Variants in UFSP2 observed in about 807,000 individuals in gnomAD.
UFSP2 encodes the protein ufm1-specific protease 2.
A neutral mutation model predicts 60.2 loss-of-function variants in UFSP2; 43 were observed. The ratio of observed to expected loss-of-function variants is 0.71; its 90% CI spans 0.56 to 0.92. UFSP2 has a LOEUF of 0.92. Among genes scored for constraint, UFSP2 ranks in the 40% least tolerant of loss-of-function variants. The pLI is 0.00. For missense variants in UFSP2, 520 were observed against 575.0 expected, an observed-to-expected ratio of 0.90 and a Z score of 0.98; for synonymous variants, 183 against 195.1, an observed-to-expected ratio of 0.94 and a Z score of 0.52.
chr4:185,401,916 C>T (rs1340776358), intron 11 of UFSP2, among the ~76,000 whole-genome samples: 1 of 152,168 alleles, frequency 6.6e-6, no homozygotes, highest in Non-Finnish European at 1.5e-5. Flanking sequence ...AGGCTTCTCC[C>T]TGCCTTTAAG....
intron 1 of UFSP2, 109 bp downstream of exon 1, chr4:185,425,757 C>T (rs2095558793): frequency 2.0e-6 from 3 of 1,514,386 alleles, no homozygotes; most frequent in African/African-American, 1.4e-5. Flanking sequence ...CAGCTGCCAT[C>T]TTGGACCCCG....
rs760642634 is a variant in UFSP2 at position 185,418,742 on chromosome 4, A to G, written c.111T>C (p.His37=). The G allele has an allele frequency of 2.5e-6, 4 of 1,602,476 alleles. No individual in the cohort carries two copies. The highest frequency in any genetic ancestry group is 3.4e-6 in the Non-Finnish European group (4 of 1,177,172). ...GCTTAGTTGACAGGTCACTCAACAC[A>G]TGTTTCAGTGCCTTCTTGAGAAAAA... The part of the protein sequence containing the change: ...NEIFLKKALK[H]VLSDLSTKLS... Residue 37 remains histidine, a synonymous_variant, in exon 3 of 12, where the codon CAT becomes CAC. Transcript: ENST00000264689.
intron 4 of UFSP2, among the ~76,000 whole-genome samples, chr4:185,417,132 C>CAATAGAGACAGT: frequency 6.6e-6 from 1 of 152,316 alleles, no homozygotes; most frequent in Middle Eastern, 3.4e-3. Flanking sequence ...AGACTGATAA[C>CAATAGAGACAGT]TGTCTCTTTC....
chr4:185,424,384 C>G (rs1021546448), intron 1 of UFSP2, among the ~76,000 whole-genome samples: 16 of 152,180 alleles, frequency 1.1e-4, no homozygotes, highest in African/African-American at 3.9e-4. Context: ...ATCCTCAGAA[C>G]AGTATTAAAT....
chr4:185,405,002 C>CTTTTTTTTT (rs70962563), intron 10 of UFSP2, among the ~76,000 whole-genome samples: 1 of 138,196 alleles, frequency 7.2e-6, no homozygotes, highest in Non-Finnish European at 1.5e-5. Flanking sequence ...ACCTCCATTT[C>CTTTTTTTTT]TTTTTTTTTT....
rs1561104891 is a variant in UFSP2, at chr4:185,400,485, A to G, written c.1324-7T>C. On this transcript the variant is annotated splice_region_variant and splice_polypyrimidine_tract_variant and intron_variant, in intron 11 of 11. Coordinates refer to ENST00000264689, the MANE Select transcript of UFSP2 (RefSeq NM_018359.5). ...CCTTCCATCCGCACCAGCCCTGGAT[A>G]GAGAAGACGGGAAAGGAAAGCCTTT... The G allele has an allele frequency of 6.2e-7, 1 of 1,606,336 alleles. No homozygotes were observed. Among genetic ancestry groups the G allele is most frequent in the Non-Finnish European group, 8.5e-7 (1 of 1,175,170 alleles).
intron 10 of UFSP2, among the ~76,000 whole-genome samples, chr4:185,404,604 T>C (rs1167477319): frequency 6.6e-6 from 1 of 151,262 alleles, no homozygotes; most frequent in Non-Finnish European, 1.5e-5. Flanking sequence ...GTCTTTTTTT[T>C]TGAGACAGAG....
chr4:185,419,366 G>A (rs1009623325), intron 2 of UFSP2, among the ~76,000 whole-genome samples: 1 of 152,106 alleles, frequency 6.6e-6, no homozygotes, highest in Non-Finnish European at 1.5e-5. Flanking sequence ...TCCTGACCTC[G>A]TGATCCACCC....
rs1188328174 is a variant in UFSP2 at position 185,425,905 on chromosome 4, G to A, written c.-37C>T. ...GGCGGTGACACGGGCGCTGACGCCT[G>A]CCCAAAAGTTCCGGGGGCCGGCCCT... On this transcript the variant is annotated 5_prime_UTR_variant, in exon 1 of 12. Coordinates refer to ENST00000264689, the MANE Select transcript of UFSP2 (RefSeq NM_018359.5). The A allele has an allele frequency of 1.9e-6, 3 of 1,584,922 alleles. No homozygotes were observed. The highest frequency in any genetic ancestry group is 2.3e-5 in the East Asian group (1 of 43,210).
At chr4:185,407,260 G>A (rs2095522214) in intron 9 of UFSP2, among the ~76,000 whole-genome samples, 1 of 151,316 alleles carries the variant, frequency 6.6e-6, no homozygotes, top group African/African-American at 2.4e-5. Context: ...TGCTCTGCTG[G>A]CCAGGCTGGT....
At chr4:185,424,110 T>C (rs1223184852) in intron 1 of UFSP2, among the ~76,000 whole-genome samples, 1 of 147,748 alleles carries the variant, frequency 6.8e-6, no homozygotes, top group Non-Finnish European at 1.5e-5. Flanking sequence ...GAGACCAGAC[T>C]GGGCAACATA....
At chr4:185,425,731 C>A in intron 1 of UFSP2, 135 bp downstream of exon 1, 3 of 1,356,262 alleles carry the variant, frequency 2.2e-6, no homozygotes, top group Admixed American at 2.1e-5. Context: ...GAGAGCCGCC[C>A]TGCCCACGCA....
intron 9 of UFSP2, among the ~76,000 whole-genome samples, chr4:185,406,860 G>A (rs1387842325): frequency 1.3e-5 from 2 of 152,074 alleles, no homozygotes; most frequent in African/African-American, 4.8e-5. Flanking sequence ...ACAGGCGTGA[G>A]CCACTGTGCC....
At chr4:185,405,113 C>A (rs1409156652) in intron 10 of UFSP2, among the ~76,000 whole-genome samples, 1 of 151,850 alleles carries the variant, frequency 6.6e-6, no homozygotes, top group Non-Finnish European at 1.5e-5. Flanking sequence ...ATCCTCCCAC[C>A]TCAGTCTCCT....
intron 7 of UFSP2, among the ~76,000 whole-genome samples, chr4:185,411,486 G>T (rs960518648): frequency 1.3e-5 from 2 of 152,066 alleles, no homozygotes; most frequent in Non-Finnish European, 2.9e-5. Context: ...TATCATTCAC[G>T]AACATAGATG....
At position 185,425,909 on chromosome 4, in the gene UFSP2, A is replaced by G; in HGVS notation, c.-41T>C. 6.3e-7 allele frequency: 1 copy of G among 1,582,206 alleles called. No individual in the cohort carries two copies. The highest frequency in any genetic ancestry group is 2.3e-5 in the East Asian group (1 of 43,032). ...GTGACACGGGCGCTGACGCCTGCCCAAAAGTTCCGGGGGCCGGCCCTGAAG... is the reference window on the plus strand; with the variant it reads ...GTGACACGGGCGCTGACGCCTGCCCGAAAGTTCCGGGGGCCGGCCCTGAAG... On this transcript the variant is annotated 5_prime_UTR_variant, in exon 1 of 12. Transcript: ENST00000264689.
At chr4:185,402,135 ACT>A in intron 11 of UFSP2, 1 of 283,628 alleles carries the variant, frequency 3.5e-6, no homozygotes, top group Non-Finnish European at 7.2e-6. Flanking sequence ...TCCTTTTTGC[ACT>A]CTCCTTCTCT....
intron 7 of UFSP2, among the ~76,000 whole-genome samples, chr4:185,410,354 A>C: frequency 6.6e-6 from 1 of 152,334 alleles, no homozygotes; most frequent in South Asian, 2.1e-4. Context: ...CTTACATTAG[A>C]AAATAAGAAA....
intron 7 of UFSP2, among the ~76,000 whole-genome samples, chr4:185,410,966 A>G (rs930865416): frequency 6.6e-6 from 1 of 151,302 alleles, no homozygotes; most frequent in African/African-American, 2.4e-5. Flanking sequence ...AAAAAGAAAG[A>G]AAGAAATATT....
Sources: gnomAD v4.1 joint callset for allele counts (sites outside exome capture counted in the v4.1 genomes callset) on GRCh38, gnomAD v4.1.1 for gene constraint, MANE v1.5 for transcripts, NCBI Gene and HGNC (gene_info 2026-07-23, HGNC 2026-07-21) for gene names.